Variants in RBFOX1 observed in about 807,000 individuals in gnomAD.
RBFOX1 encodes the protein RNA binding protein fox-1 homolog 1.
RBFOX1 carries 8 observed loss-of-function variants against 57.7 expected under a neutral mutation model. The observed-to-expected ratio is 0.14, with a 90% CI of 0.08 to 0.25. The LOEUF is 0.25. Ranked by LOEUF, RBFOX1 falls within the 10% of genes least tolerant of loss-of-function variation. The pLI is 1.00. For synonymous variants in RBFOX1, 326 were observed against 222.4 expected, an observed-to-expected ratio of 1.47 and a Z score of -4.15; for missense variants, 611 against 548.5, an observed-to-expected ratio of 1.11 and a Z score of -1.14.
intron 4 of RBFOX1, among the ~76,000 whole-genome samples, chr16:7,202,370 C>A (rs933858800): frequency 3.3e-5 from 5 of 151,434 alleles, no homozygotes; most frequent in Non-Finnish European, 5.9e-5. Flanking sequence ...CCATTACGCC[C>A]TGTGGGTAGG....
intron 3 of RBFOX1, among the ~76,000 whole-genome samples, chr16:6,764,663 G>A (rs1306541316): frequency 6.6e-6 from 1 of 152,086 alleles, no homozygotes; most frequent in African/African-American, 2.4e-5. Flanking sequence ...TGGGCTGGGT[G>A]CAGTGGCTCA....
At chr16:6,142,341 C>A (rs1231401589) in intron 1 of RBFOX1, among the ~76,000 whole-genome samples, 1 of 151,292 alleles carries the variant, frequency 6.6e-6, no homozygotes. Context: ...CCTGTCTCAG[C>A]CTCCCGAGTA....
chr16:5,982,253 T>C (rs2060189074), intron 4 of RBFOX1, among the ~76,000 whole-genome samples: 1 of 151,788 alleles, frequency 6.6e-6, no homozygotes, highest in African/African-American at 2.4e-5. Flanking sequence ...GTTCCCACCA[T>C]AGGGCCTTTG....
intron 3 of RBFOX1, among the ~76,000 whole-genome samples, chr16:5,835,584 A>C: frequency 6.6e-6 from 1 of 152,174 alleles, no homozygotes; most frequent in East Asian, 1.9e-4. Context: ...AGGAATCTGC[A>C]TTCCTAACAG....
At chr16:6,002,120 C>G (rs1049732546) in intron 4 of RBFOX1, among the ~76,000 whole-genome samples, 1 of 152,060 alleles carries the variant, frequency 6.6e-6, no homozygotes, top group African/African-American at 2.4e-5. Context: ...TACAAGCATG[C>G]ACCACCATGC....
At chr16:6,650,533 C>T (rs1169607233) in intron 2 of RBFOX1, among the ~76,000 whole-genome samples, 4 of 152,194 alleles carry the variant, frequency 2.6e-5, no homozygotes, top group Non-Finnish European at 2.9e-5. Flanking sequence ...GGAATACCCA[C>T]TTTGTCGAAT....
chr16:5,951,644 A>G lies in RBFOX1; in HGVS notation c.351+84309A>G, dbSNP rs559885248. On this transcript the variant is annotated intron_variant, in intron 4 of 19. Coordinates refer to the RBFOX1 transcript ENST00000641259. Reference sequence around the variant, plus strand: ...AGAAACCCCCACACCACTTATCAGCAGAAACAGTCCCTGCACTGCTGAGTC... The same window carrying G: ...AGAAACCCCCACACCACTTATCAGCGGAAACAGTCCCTGCACTGCTGAGTC... Among the ~76,000 whole-genome samples the G allele has an allele frequency of 5.9e-5, 9 of 152,228 alleles. No individual in the cohort carries two copies. The East Asian group carries it at 1.7e-3, about 29-fold the overall frequency.
intron 2 of RBFOX1, among the ~76,000 whole-genome samples, chr16:6,369,832 A>G (rs2090168807): frequency 6.6e-6 from 1 of 152,192 alleles, no homozygotes. Flanking sequence ...TAACCACAAT[A>G]CAATTCCAAA....
Position 6,616,387 on chromosome 16 carries a change from T to G in RBFOX1, c.-63-38216T>G, listed in dbSNP as rs538157145. 4.4e-4 allele frequency among the ~76,000 whole-genome samples: 67 copies of G among 152,242 alleles called. 3 individuals carry two copies. The South Asian group carries it at 0.013, about 31-fold the overall frequency. ...AATACAGTAAAAATGTTTGGTTTTT[T>G]TTTTTTTGGCCAGGCGTGATGGCTC... On this transcript the variant is annotated intron_variant, in intron 2 of 15. Transcript: ENST00000550418.
intron 3 of RBFOX1, among the ~76,000 whole-genome samples, chr16:7,002,517 G>T (rs1185911571): frequency 6.6e-6 from 1 of 152,142 alleles, no homozygotes; most frequent in Non-Finnish European, 1.5e-5. Flanking sequence ...TTGGAGACCA[G>T]CCTGGCCAAA....
chr16:5,585,469 C>G (rs1244434454), intron 2 of RBFOX1, among the ~76,000 whole-genome samples: 1 of 152,172 alleles, frequency 6.6e-6, no homozygotes, highest in Non-Finnish European at 1.5e-5. Context: ...AACTTGTAGA[C>G]ATGTGCCGTG....
At chr16:6,659,371 T>C (rs760164970) in intron 3 of RBFOX1, among the ~76,000 whole-genome samples, 11 of 151,920 alleles carry the variant, frequency 7.2e-5, no homozygotes, top group Non-Finnish European at 7.4e-5. Flanking sequence ...GACTTTCAGA[T>C]TGGGTCCAAT....
intron 2 of RBFOX1, among the ~76,000 whole-genome samples, chr16:6,409,448 C>T (rs1357999791): frequency 6.6e-6 from 1 of 152,118 alleles, no homozygotes; most frequent in Non-Finnish European, 1.5e-5. Context: ...CTTTACCAAA[C>T]ACTTTGAAAC....
At chr16:6,399,208 G>A (rs1169863181) in intron 2 of RBFOX1, among the ~76,000 whole-genome samples, 1 of 152,250 alleles carries the variant, frequency 6.6e-6, no homozygotes. Context: ...AGAGCAGGGT[G>A]GCCCTGGGCC....
chr16:7,176,679 C>A (rs538203325), intron 4 of RBFOX1, among the ~76,000 whole-genome samples: 1 of 152,086 alleles, frequency 6.6e-6, no homozygotes, highest in African/African-American at 2.4e-5. Context: ...AAAAGGTTTC[C>A]GATCCTTGTT....
At chr16:7,061,967 G>A (rs776966274) in intron 4 of RBFOX1, among the ~76,000 whole-genome samples, 12 of 152,138 alleles carry the variant, frequency 7.9e-5, no homozygotes, top group Admixed American at 3.9e-4. Flanking sequence ...GAATGAGTAA[G>A]GAGCAAGAAA....
chr16:5,590,275 G>T (rs8052571), intron 2 of RBFOX1, among the ~76,000 whole-genome samples: 30,841 of 152,064 alleles, frequency 0.2, 3,515 homozygotes, highest in East Asian at 0.32. Context: ...GAGCTCACTT[G>T]CATTGATTTC....
intron 4 of RBFOX1, among the ~76,000 whole-genome samples, chr16:6,007,496 C>T (rs1218529513): frequency 6.6e-6 from 1 of 152,190 alleles, no homozygotes; most frequent in African/African-American, 2.4e-5. Flanking sequence ...TTGATTCCAG[C>T]CTTGCCAGAG....
chr16:5,247,651 C>G (rs1321820187), intron 1 of RBFOX1, among the ~76,000 whole-genome samples: 1 of 152,216 alleles, frequency 6.6e-6, no homozygotes, highest in Non-Finnish European at 1.5e-5. Flanking sequence ...TGCATATTGT[C>G]TGTGGCTGCT....
Sources: allele counts gnomAD v4.1 joint callset (sites outside exome capture counted in the v4.1 genomes callset), GRCh38; gene constraint gnomAD v4.1.1; transcripts MANE v1.5; gene names NCBI Gene and HGNC (gene_info 2026-07-23, HGNC 2026-07-21).